Variants in CDH4 observed in about 807,000 individuals in gnomAD.
CDH4 encodes cadherin 4, also known as cadherin-4.
Under a neutral mutation model 86.0 loss-of-function variants are expected in CDH4, and 33 were observed. The ratio of observed to expected loss-of-function variants is 0.38; its 90% CI spans 0.29 to 0.51. CDH4 has a LOEUF of 0.51. Among genes scored for constraint, CDH4 ranks in the 20% least tolerant of loss-of-function variants. The pLI is 0.86. For synonymous variants in CDH4, 555 were observed against 549.4 expected, an observed-to-expected ratio of 1.01 and a Z score of -0.14; for missense variants, 1,114 against 1,307.4, an observed-to-expected ratio of 0.85 and a Z score of 2.28.
chr20:61,824,136 G>A (rs1366842891), intron 4 of CDH4, among the ~76,000 whole-genome samples: 4 of 152,132 alleles, frequency 2.6e-5, no homozygotes, highest in Admixed American at 6.5e-5. Context: ...TGAGGGTCAT[G>A]GTGCTTCGTG....
At position 61,773,160 on chromosome 20, in the gene CDH4, C is replaced by A; in HGVS notation, c.554C>A (p.Pro185His). Residue 185 changes from proline to histidine, a missense_variant, in exon 4 of 16, where the codon CCC (proline) becomes CAC (histidine). Transcript: ENST00000614565. The stretch of plus-strand genomic sequence containing the variant: ...AACGTGCCCGAGAACTCGCGCGGGC[C>A]CTTCCCGCAGCAGCTCGTGAGGGTG... ...PINVPENSRG[P>H]FPQQLVRIRS... 6.3e-7 allele frequency: 1 copy of A among 1,586,052 alleles called. No homozygotes were observed. The highest frequency in any genetic ancestry group is 1.3e-5 in the African/African-American group (1 of 74,674).
At chr20:61,808,325 A>G (rs1980246751) in intron 4 of CDH4, among the ~76,000 whole-genome samples, 1 of 152,070 alleles carries the variant, frequency 6.6e-6, no homozygotes, top group Non-Finnish European at 1.5e-5. Flanking sequence ...TTTCAAATGT[A>G]GCAACACCAG....
At chr20:61,665,648 C>G (rs980597515) in intron 2 of CDH4, among the ~76,000 whole-genome samples, 1 of 152,204 alleles carries the variant, frequency 6.6e-6, no homozygotes, top group African/African-American at 2.4e-5. Flanking sequence ...TGGATGCGAA[C>G]GAGTGCTCCC....
intron 5 of CDH4, among the ~76,000 whole-genome samples, chr20:61,845,571 G>A (rs927105585): frequency 1.3e-5 from 2 of 152,232 alleles, no homozygotes; most frequent in Non-Finnish European, 2.9e-5. Flanking sequence ...CGCAGAACAG[G>A]CTGGAGCCAA....
At chr20:61,688,110 C>T (rs1345485531) in intron 2 of CDH4, among the ~76,000 whole-genome samples, 1 of 152,156 alleles carries the variant, frequency 6.6e-6, no homozygotes, top group Admixed American at 6.5e-5. Context: ...CAGGTCTCCC[C>T]TACAGCAGCC....
At position 61,479,214 on chromosome 20, in the gene CDH4, T is replaced by C. The variant is rs186614852; in HGVS notation, c.169+224277T>C. ...TGTTTTATGCAAGGGTGTTTTTTTT[T>C]AAATACTTTAAGTTCTAGGGTACAT... On this transcript the variant is annotated intron_variant, in intron 2 of 15. Coordinates refer to ENST00000614565, the MANE Select transcript of CDH4 (RefSeq NM_001794.5). Among the ~76,000 whole-genome samples, 5 of 152,270 alleles carry C rather than the reference T, an allele frequency of 3.3e-5. No homozygotes were observed. In the East Asian group the frequency reaches 9.7e-4, roughly 29 times the overall value.
chr20:61,877,477 G>T (rs1984081333), intron 7 of CDH4, among the ~76,000 whole-genome samples: 1 of 151,624 alleles, frequency 6.6e-6, no homozygotes, highest in Non-Finnish European at 1.5e-5. Context: ...GATTTATGAA[G>T]ATTGAGGAAC....
intron 2 of CDH4, among the ~76,000 whole-genome samples, chr20:61,650,778 G>A (rs1175089234): frequency 1.3e-5 from 2 of 152,220 alleles, no homozygotes; most frequent in African/African-American, 2.4e-5. Flanking sequence ...GAAATAAGTA[G>A]TATTTTGCTA....
At position 61,878,896 on chromosome 20, in the gene CDH4, A is replaced by G. The variant is rs577552984; in HGVS notation, c.1050+4996A>G. Among the ~76,000 whole-genome samples the G allele has an allele frequency of 1.2e-4, 18 of 152,360 alleles. No individual in the cohort carries two copies. In the South Asian group the frequency reaches 3.5e-3, roughly 30 times the overall value. Reference sequence around the variant, plus strand: ...TGCCGAGGCCAGGGCGCCCCTCGCCAGGGCTCTGCTTTCAGTGTGGGTCTG... The same window carrying G: ...TGCCGAGGCCAGGGCGCCCCTCGCCGGGGCTCTGCTTTCAGTGTGGGTCTG... On this transcript the variant is annotated intron_variant, in intron 7 of 15. Transcript: ENST00000614565.
intron 2 of CDH4, among the ~76,000 whole-genome samples, chr20:61,556,177 T>C (rs1358004263): frequency 3.3e-5 from 5 of 152,302 alleles, no homozygotes; most frequent in African/African-American, 1.2e-4. Flanking sequence ...CATTTGTGCA[T>C]TGGTGTTTTC....
intron 2 of CDH4, among the ~76,000 whole-genome samples, chr20:61,726,759 C>T (rs372288086): frequency 1.3e-4 from 20 of 149,178 alleles, no homozygotes; most frequent in South Asian, 1.1e-3. Flanking sequence ...TCGTCACCAT[C>T]GGAGGCATCA....
chr20:61,296,841 G>A (rs1412067959), intron 2 of CDH4, among the ~76,000 whole-genome samples: 6 of 152,128 alleles, frequency 3.9e-5, no homozygotes, highest in East Asian at 1.9e-4. Flanking sequence ...GGCAGGTGGC[G>A]TCAGGTGGAA....
At chr20:61,724,668 G>A (rs1266967309) in intron 2 of CDH4, among the ~76,000 whole-genome samples, 1 of 152,164 alleles carries the variant, frequency 6.6e-6, no homozygotes, top group African/African-American at 2.4e-5. Context: ...GTCAAGATGG[G>A]AAGATTCTGT....
intron 7 of CDH4, among the ~76,000 whole-genome samples, chr20:61,887,343 G>A (rs1395972225): frequency 1.3e-5 from 2 of 152,170 alleles, no homozygotes; most frequent in African/African-American, 4.8e-5. Context: ...CCCCTGCCCT[G>A]CCTCTCGAAA....
At chr20:61,438,711 A>T in intron 2 of CDH4, among the ~76,000 whole-genome samples, 1 of 152,374 alleles carries the variant, frequency 6.6e-6, no homozygotes, top group South Asian at 2.1e-4. Context: ...TCCAAAAAAA[A>T]TATTGGTCAA....
intron 4 of CDH4, among the ~76,000 whole-genome samples, chr20:61,812,243 C>T (rs562016103): frequency 2.0e-5 from 3 of 152,176 alleles, no homozygotes; most frequent in South Asian, 2.1e-4. Flanking sequence ...TAAGGGAGGG[C>T]GTGGTTGCAG....
At chr20:61,376,668 G>T (rs2084874344) in intron 2 of CDH4, among the ~76,000 whole-genome samples, 1 of 152,208 alleles carries the variant, frequency 6.6e-6, no homozygotes, top group Non-Finnish European at 1.5e-5. Flanking sequence ...TATGGTTGGA[G>T]TGGTTCCCTC....
At chr20:61,441,704 T>C (rs2085315766) in intron 2 of CDH4, among the ~76,000 whole-genome samples, 1 of 152,174 alleles carries the variant, frequency 6.6e-6, no homozygotes, top group Admixed American at 6.6e-5. Flanking sequence ...GGAGAAAACA[T>C]GCCCTCAATA....
At position 61,902,272 on chromosome 20, in the gene CDH4, CT is replaced by C. The variant is rs2054734870; in HGVS notation, c.1188+7226del. ...GAGGCAGAAAAGGTCAAGCCGGGGC[CT>C]CTGAAACCAGGACCCCCGGGGCCTC... is the stretch of plus-strand genomic sequence containing the variant. On this transcript the variant is annotated intron_variant, in intron 8 of 15. Coordinates refer to ENST00000614565, the MANE Select transcript of CDH4 (RefSeq NM_001794.5). This position sits in a 1 kb window ranked among gnomAD's most constrained non-coding sequence, Gnocchi z 4.6. Among the ~76,000 whole-genome samples, 2 of 152,242 alleles carry C rather than the reference CT, an allele frequency of 1.3e-5. No homozygotes were observed. Among genetic ancestry groups the C allele is most frequent in the Non-Finnish European group, 2.9e-5 (2 of 68,044 alleles).
Sources: allele counts gnomAD v4.1 joint callset (sites outside exome capture counted in the v4.1 genomes callset), GRCh38; gene constraint gnomAD v4.1.1; non-coding constraint Gnocchi (gnomAD v3.1); transcripts MANE v1.5; gene names NCBI Gene and HGNC (gene_info 2026-07-23, HGNC 2026-07-21).